VWF: variants seen among roughly 807,000 people sequenced by gnomAD.
VWF encodes von Willebrand factor, also known as Factor VIII related antigen.
A neutral mutation model predicts 308.6 loss-of-function variants in VWF; 176 were observed. The ratio of observed to expected loss-of-function variants is 0.57; its 90% CI spans 0.50 to 0.65. The LOEUF (loss-of-function observed/expected upper bound fraction) is 0.65, where lower values mean the gene tolerates loss of function less well. VWF is among the 30% of genes least tolerant of loss of function. The pLI, the probability that VWF is intolerant of heterozygous loss-of-function variation, is 0.00. For synonymous variants in VWF, 1,385 were observed against 1,443.4 expected (o/e 0.96, Z 0.92); for missense variants, 3,146 against 3,648.2 (o/e 0.86, Z 3.55).
At chr12:6,106,171 A>C (rs1312047409) in intron 5 of VWF, among the ~76,000 whole-genome samples, 4 of 152,258 alleles carry the variant, frequency 2.6e-5, no homozygotes, top group Non-Finnish European at 5.9e-5. Flanking sequence ...TAAATGGATA[A>C]GCAAAGTACG....
intron 38 of VWF, among the ~76,000 whole-genome samples, 153 bp downstream of exon 38, chr12:5,991,666 C>G (rs570792507): frequency 6.6e-6 from 1 of 152,310 alleles, no homozygotes; most frequent in East Asian, 1.9e-4. Context: ...GAATGCAAGG[C>G]CATTACACAA....
chr12:5,971,612 G>A lies in VWF; in HGVS notation c.7535C>T (p.Ser2512Phe), dbSNP rs543595163. 6 of 1,614,154 alleles carry A rather than the reference G, an allele frequency of 3.7e-6. No homozygotes were observed. In the South Asian group the frequency reaches 6.6e-5, roughly 18 times the overall value. ...GCCTGGACCTACACTCTTCCAGGAAGACTGGGAGTCCCCCCGCGGTGAGCC... is the reference window on the plus strand; with the variant it reads ...GCCTGGACCTACACTCTTCCAGGAAAACTGGGAGTCCCCCCGCGGTGAGCC... ...VTGSPRGDSQSSWKSVGSQWA... is the reference protein window; with the variant it reads ...VTGSPRGDSQFSWKSVGSQWA... Residue 2512 changes from serine (S) to phenylalanine (F), a missense_variant, in exon 44 of 52, where the codon TCT becomes TTT. Ser to Phe is a radical substitution (Grantham distance 155, BLOSUM62 -2). Coordinates refer to ENST00000261405, the MANE Select transcript of VWF (RefSeq NM_000552.5).
intron 16 of VWF, among the ~76,000 whole-genome samples, chr12:6,049,206 G>T (rs1944480585): frequency 6.6e-6 from 1 of 152,170 alleles, no homozygotes; most frequent in South Asian, 2.1e-4. Flanking sequence ...AAAATAAACA[G>T]CGGCACACAG....
At position 6,020,518 on chromosome 12, in the gene VWF, C is replaced by T. The variant is rs1944117834; in HGVS notation, c.3675-775G>A. Among the ~76,000 whole-genome samples, 1 of 152,236 alleles carries T rather than the reference C, an allele frequency of 6.6e-6. No homozygotes were observed. Among genetic ancestry groups the T allele is most frequent in the Non-Finnish European group, 1.5e-5 (1 of 68,044 alleles). ...CAAGTCTGTAGTAGAGCAGTGGCCC[C>T]CCACACACAAATTCCTACACTACCA... On this transcript the variant is annotated intron_variant, in intron 27 of 51. Transcript: ENST00000261405. The surrounding 1 kb of genome is among the most constrained non-coding windows in gnomAD (Gnocchi z 4.3).
At position 6,057,915 on chromosome 12, in the gene VWF, G is replaced by A. The variant is rs779449782; in HGVS notation, c.1663C>T (p.Leu555=). ...RVEDFGNAWK[L]HGDCQDLQKQ... ...TGCAGGTCCTGGCAGTCCCCGTGCA[G>A]CTTCCAGGCGTTCCCGAAGTCCTCC... Residue 555 remains leucine (L), a synonymous_variant, in exon 14 of 52, where the codon CTG becomes TTG. Coordinates refer to ENST00000261405, the MANE Select transcript of VWF (RefSeq NM_000552.5). The A allele has an allele frequency of 5.1e-5, 83 of 1,613,410 alleles. No homozygotes were observed. The highest frequency in any genetic ancestry group is 6.7e-5 in the Non-Finnish European group (79 of 1,179,886).
chr12:6,085,536 A>G (rs2136486167), intron 6 of VWF, among the ~76,000 whole-genome samples: 1 of 152,326 alleles, frequency 6.6e-6, no homozygotes, highest in South Asian at 2.1e-4. Context: ...CCTGAGAAAT[A>G]GTTCGTTAAA....
chr12:6,039,754 C>T (rs1944377740), intron 18 of VWF, among the ~76,000 whole-genome samples: 1 of 152,230 alleles, frequency 6.6e-6, no homozygotes, highest in South Asian at 2.1e-4. Context: ...TCTGGATGGG[C>T]CCTTGAACCC....
At position 6,075,812 on chromosome 12, in the gene VWF, C is replaced by T. The variant is rs898487607; in HGVS notation, c.658-261G>A. On this transcript the variant is annotated intron_variant, in intron 6 of 51. Coordinates refer to ENST00000261405, the MANE Select transcript of VWF (RefSeq NM_000552.5). This position sits in a 1 kb window ranked among gnomAD's most constrained non-coding sequence, Gnocchi z 4.7. ...ATGCAGAGTCCAAGGCCCTGGATTG[C>T]CATGGTGGGCAGTGTCCTAGGAACG... 1.3e-5 allele frequency among the ~76,000 whole-genome samples: 2 copies of T among 152,212 alleles called. No individual in the cohort carries two copies. The highest frequency in any genetic ancestry group is 2.4e-5 in the African/African-American group (1 of 41,446).
At position 5,969,234 on chromosome 12, in the gene VWF, G is replaced by A. The variant is rs752093211; in HGVS notation, c.7706C>T (p.Ala2569Val). 9.3e-6 allele frequency: 15 copies of A among 1,613,808 alleles called. No individual in the cohort carries two copies. Among genetic ancestry groups the A allele is most frequent in the Admixed American group, 3.3e-5 (2 of 59,978 alleles). ...SGFQLSCKTS[A>V]CCPSCRCERM... ...ACCACAGCGACAGCTTGGGCAGCAC[G>A]CTGAGGTCTTACAGCTCAGCTGAAA... Residue 2569 changes from alanine (A) to valine (V), a missense_variant, in exon 45 of 52, where the codon GCG becomes GTG. Physicochemically the swap from Ala to Val is moderately conservative, Grantham distance 64 (BLOSUM62 0). This residue lies in a region of VWF where 989 missense variants were observed against 1,117.4 expected (regional missense o/e 0.89). Coordinates refer to ENST00000261405, the MANE Select transcript of VWF (RefSeq NM_000552.5).
At chr12:6,072,288 C>T (rs773579068) in intron 9 of VWF, 43 bp downstream of exon 9, 1 of 1,588,422 alleles carries the variant, frequency 6.3e-7, no homozygotes. Flanking sequence ...CTCCCCAGTC[C>T]CCCAGGCAGG....
At chr12:6,067,204 G>A (rs1284070278) in intron 10 of VWF, among the ~76,000 whole-genome samples, 1 of 152,218 alleles carries the variant, frequency 6.6e-6, no homozygotes, top group Non-Finnish European at 1.5e-5. Flanking sequence ...GAGGTCTCAG[G>A]AAAGCCTTTT....
At chr12:6,085,782 T>C (rs575565773) in intron 6 of VWF, among the ~76,000 whole-genome samples, 1 of 152,214 alleles carries the variant, frequency 6.6e-6, no homozygotes, top group African/African-American at 2.4e-5. Context: ...CTAATGCATG[T>C]GGGGCTTAAA....
intron 43 of VWF, among the ~76,000 whole-genome samples, chr12:5,975,219 C>A (rs1943520600): frequency 6.6e-6 from 1 of 152,236 alleles, no homozygotes; most frequent in Non-Finnish European, 1.5e-5. Flanking sequence ...CTCCGTCAAA[C>A]CATTCACCTC....
chr12:6,084,245 A>G (rs1591907606), intron 6 of VWF, among the ~76,000 whole-genome samples: 2 of 152,350 alleles, frequency 1.3e-5, no homozygotes, highest in South Asian at 2.1e-4. Context: ...CTGGCTCCTC[A>G]GTTCTCTGCT....
intron 6 of VWF, among the ~76,000 whole-genome samples, chr12:6,084,371 C>G (rs763580): frequency 0.77 from 116,815 of 152,146 alleles, 45,649 homozygotes; most frequent in African/African-American, 0.92. Context: ...TCCTGTCGGC[C>G]GTGCCAGGAG....
intron 16 of VWF, among the ~76,000 whole-genome samples, chr12:6,049,264 A>G (rs1223996149): frequency 6.6e-6 from 1 of 152,208 alleles, no homozygotes; most frequent in Non-Finnish European, 1.5e-5. Flanking sequence ...CCAATTTTCT[A>G]AATGAAGTGG....
At chr12:6,091,091 G>C (rs1481998852) in intron 6 of VWF, among the ~76,000 whole-genome samples, 1 of 152,154 alleles carries the variant, frequency 6.6e-6, no homozygotes, top group Non-Finnish European at 1.5e-5. Context: ...AAGGGAAAAA[G>C]TCTTTTGGAA....
chr12:6,092,758 T>C (rs757462186), intron 6 of VWF, among the ~76,000 whole-genome samples: 14 of 151,884 alleles, frequency 9.2e-5, no homozygotes, highest in Non-Finnish European at 1.8e-4. Flanking sequence ...AAGATGCCTC[T>C]GTGTCCTCCA....
At chr12:6,100,486 C>A (rs940210646) in intron 5 of VWF, among the ~76,000 whole-genome samples, 1 of 151,348 alleles carries the variant, frequency 6.6e-6, no homozygotes, top group African/African-American at 2.5e-5. Flanking sequence ...AGACTTGGAA[C>A]CAACCCAAAT....
Sources: gnomAD v4.1 joint callset for allele counts (sites outside exome capture counted in the v4.1 genomes callset) on GRCh38, gnomAD v4.1.1 for gene constraint, gnomAD v4.1.1 regional missense constraint, Gnocchi (gnomAD v3.1) non-coding constraint, MANE v1.5 for transcripts, NCBI Gene and HGNC (gene_info 2026-07-23, HGNC 2026-07-21) for gene names.